Variants in DMD observed in about 807,000 individuals in gnomAD.
DMD encodes mutant dystrophin.
A neutral mutation model predicts 330.1 loss-of-function variants in DMD; 63 were observed. The observed-to-expected ratio is 0.19, with a 90% CI of 0.16 to 0.24. The LOEUF (loss-of-function observed/expected upper bound fraction) is 0.24. Ranked by LOEUF, DMD falls within the 10% of genes least tolerant of loss-of-function variation. The probability of loss-of-function intolerance (pLI) is 1.00; values close to 1 mark genes in which losing one functional copy is unlikely to be tolerated. For missense variants in DMD, 3,344 were observed against 2,684.1 expected (o/e 1.25, Z -5.43); for synonymous variants, 1,223 against 959.8 (o/e 1.27, Z -5.07).
chrX:33,164,722 G>A (rs903095565), intron 1 of DMD, among the ~76,000 whole-genome samples: 2 of 110,975 alleles, frequency 1.8e-5, no homozygotes, highest in African/African-American at 3.3e-5. Flanking sequence ...TACGAAAAAT[G>A]TTCTAGCACA....
intron 44 of DMD, among the ~76,000 whole-genome samples, chrX:32,087,956 G>GT (rs1183487533): frequency 8.9e-6 from 1 of 112,165 alleles, no homozygotes; most frequent in Non-Finnish European, 1.9e-5. Context: ...TCTATAATGA[G>GT]TTTCTCAGGA....
chrX:32,359,912 AAAT>A (rs766705189), intron 37 of DMD, among the ~76,000 whole-genome samples: 143 of 110,517 alleles, frequency 1.3e-3, no homozygotes, highest in Non-Finnish European at 2.3e-3. Flanking sequence ...ACTTTATTTT[AAAT>A]AATAATATTT....
intron 1 of DMD, among the ~76,000 whole-genome samples, chrX:33,039,124 G>A (rs2094254777): frequency 9.0e-6 from 1 of 111,679 alleles, no homozygotes; most frequent in Admixed American, 9.5e-5. Flanking sequence ...CCTCTTTTCC[G>A]TTGTTGGAGA....
intron 62 of DMD, among the ~76,000 whole-genome samples, chrX:31,274,512 A>T (rs2051931025): frequency 9.0e-6 from 1 of 111,699 alleles, no homozygotes; most frequent in African/African-American, 3.3e-5. Context: ...AATTCCACAC[A>T]AAGACAGGGA....
At chrX:32,472,131 C>G in intron 22 of DMD, 33 bp downstream of exon 22, 1 of 1,202,319 alleles carries the variant, frequency 8.3e-7, no homozygotes, top group Non-Finnish European at 1.1e-6. Flanking sequence ...GATAAGCGTG[C>G]TTTATTGTTT....
At chrX:32,451,569 G>T (rs773303835) in intron 26 of DMD, among the ~76,000 whole-genome samples, 1 of 109,960 alleles carries the variant, frequency 9.1e-6, no homozygotes, top group Non-Finnish European at 1.9e-5. Context: ...TTCCTTTTCA[G>T]GGGAAAAATA....
intron 55 of DMD, among the ~76,000 whole-genome samples, chrX:31,538,077 C>G (rs2073544719): frequency 8.9e-6 from 1 of 111,842 alleles, no homozygotes; most frequent in African/African-American, 3.3e-5. Flanking sequence ...GTTGTCGCGT[C>G]TAGCCCGCAC....
chrX:31,121,874 A>T lies in DMD; in HGVS notation c.*45T>A, dbSNP rs760332250. ...TCATCTGTCATGACTGATACTAAGG[A>T]CTCCATCGCTCTGCCCAAATCATCT... On this transcript the variant is annotated 3_prime_UTR_variant, in exon 79 of 79. Transcript: ENST00000357033. 1 of 1,208,105 alleles carries T rather than the reference A, an allele frequency of 8.3e-7. No individual in the cohort carries two copies. The highest frequency in any genetic ancestry group is 1.8e-5 in the South Asian group (1 of 56,932).
intron 43 of DMD, among the ~76,000 whole-genome samples, chrX:32,237,835 C>T (rs1206205774): frequency 8.9e-6 from 1 of 111,752 alleles, no homozygotes; most frequent in African/African-American, 3.3e-5. Context: ...GATCAGAACC[C>T]TTGACTGACT....
At chrX:32,679,813 TC>T (rs1476385309) in intron 9 of DMD, among the ~76,000 whole-genome samples, 1 of 108,972 alleles carries the variant, frequency 9.2e-6, no homozygotes, top group African/African-American at 3.4e-5. Context: ...CATGTTTTTT[TC>T]ATTCCCTTTT....
chrX:32,864,642 T>G (rs1045039843), intron 2 of DMD, among the ~76,000 whole-genome samples: 4 of 111,658 alleles, frequency 3.6e-5, no homozygotes, highest in African/African-American at 9.8e-5. Context: ...ATTCCTATTG[T>G]TATATCATTT....
At chrX:32,596,227 C>T (rs758392708) in intron 12 of DMD, among the ~76,000 whole-genome samples, 24 of 109,518 alleles carry the variant, frequency 2.2e-4, no homozygotes, top group African/African-American at 7.6e-4. Context: ...TTCTCCATTA[C>T]CATAAAAATA....
chrX:31,822,653 G>GGTGGGTGTGTGTGTGT (rs1556919108), intron 49 of DMD, among the ~76,000 whole-genome samples: 40 of 65,813 alleles, frequency 6.1e-4, no homozygotes, highest in Non-Finnish European at 9.5e-4. Flanking sequence ...AAGGCAGAGG[G>GGTGGGTGTGTGTGTGT]GTGTGTGTGT....
chrX:33,099,876 A>G (rs958642455), intron 1 of DMD, among the ~76,000 whole-genome samples: 2 of 111,621 alleles, frequency 1.8e-5, no homozygotes, highest in African/African-American at 6.5e-5. Context: ...TTACACACCT[A>G]TTGATTTGTC....
At chrX:32,808,925 A>T (rs755485068) in intron 7 of DMD, among the ~76,000 whole-genome samples, 1 of 112,017 alleles carries the variant, frequency 8.9e-6, no homozygotes, top group Non-Finnish European at 1.9e-5. Flanking sequence ...ATAAGAGTCA[A>T]AGTTATTGAA....
chrX:32,683,289 C>A (rs1274988106), intron 9 of DMD, among the ~76,000 whole-genome samples: 1 of 110,651 alleles, frequency 9.0e-6, no homozygotes, highest in Non-Finnish European at 1.9e-5. Flanking sequence ...CATCACATTA[C>A]TGGGTATATA....
intron 44 of DMD, among the ~76,000 whole-genome samples, chrX:32,201,957 A>G (rs2097041745): frequency 8.9e-6 from 1 of 112,044 alleles, no homozygotes; most frequent in Admixed American, 9.5e-5. Flanking sequence ...TCAAAAGAGA[A>G]ATTTAATTCA....
At position 32,818,365 on chromosome X, in the gene DMD, C is replaced by T. The variant is rs765357240; in HGVS notation, c.358-1725G>A. Among the ~76,000 whole-genome samples the T allele has an allele frequency of 4.5e-5, 5 of 111,019 alleles. No homozygotes were observed. The South Asian group carries it at 1.2e-3, about 26-fold the overall frequency. On this transcript the variant is annotated intron_variant, in intron 5 of 78. Coordinates refer to ENST00000357033, the MANE Select transcript of DMD (RefSeq NM_004006.3). Reference sequence around the variant, plus strand: ...CGCTGTTATTGCTTCTACTTAGGTGCAAATGTTGCTCAGACAAAAAAAAAT... The same window carrying T: ...CGCTGTTATTGCTTCTACTTAGGTGTAAATGTTGCTCAGACAAAAAAAAAT...
intron 1 of DMD, among the ~76,000 whole-genome samples, chrX:33,252,128 G>A (rs1352513087): frequency 8.9e-6 from 1 of 112,047 alleles, no homozygotes; most frequent in African/African-American, 3.2e-5. Flanking sequence ...GCTAGAAACA[G>A]CGTTTTCTCG....
Sources: allele counts gnomAD v4.1 joint callset (sites outside exome capture counted in the v4.1 genomes callset), GRCh38; gene constraint gnomAD v4.1.1; transcripts MANE v1.5; gene names NCBI Gene and HGNC (gene_info 2026-07-23, HGNC 2026-07-21).